DSCAM: variants seen among roughly 807,000 people sequenced by gnomAD.
The protein encoded by DSCAM is cell adhesion molecule DSCAM.
A neutral mutation model predicts 217.7 loss-of-function variants in DSCAM; 47 were observed. The ratio of observed to expected loss-of-function variants is 0.22; its 90% CI spans 0.17 to 0.28. The LOEUF (loss-of-function observed/expected upper bound fraction) is 0.28. Ranked by LOEUF, DSCAM falls within the 10% of genes least tolerant of loss-of-function variation. The pLI, the probability that DSCAM is intolerant of heterozygous loss-of-function variation, is 1.00. For synonymous variants in DSCAM, 1,056 were observed against 1,015.3 expected, an observed-to-expected ratio of 1.04 and a Z score of -0.76; for missense variants, 2,080 against 2,618.3, an observed-to-expected ratio of 0.79 and a Z score of 4.49.
At chr21:40,110,556 G>A (rs1440177834) in intron 20 of DSCAM, among the ~76,000 whole-genome samples, 1 of 152,216 alleles carries the variant, frequency 6.6e-6, no homozygotes, top group African/African-American at 2.4e-5. Context: ...ACAGAACAAA[G>A]CTGGATGGAA....
rs74447616 is a variant in DSCAM, at chr21:40,469,501, A to C, written c.509-100256T>G. On this transcript the variant is annotated intron_variant, in intron 3 of 32. Transcript: ENST00000400454. ...TCCCTGACAAAGTTGAACATGTGGAAAATCATTTTGTGCTTTGAAGTGTGG... is the reference window on the plus strand; with the variant it reads ...TCCCTGACAAAGTTGAACATGTGGACAATCATTTTGTGCTTTGAAGTGTGG... Among the ~76,000 whole-genome samples, 14 of 152,352 alleles carry C rather than the reference A, an allele frequency of 9.2e-5. No individual in the cohort carries two copies. In the East Asian group the frequency reaches 1.7e-3, roughly 19 times the overall value.
At chr21:40,474,663 A>C (rs568237822) in intron 3 of DSCAM, among the ~76,000 whole-genome samples, 1 of 152,276 alleles carries the variant, frequency 6.6e-6, no homozygotes, top group South Asian at 2.1e-4. Context: ...CATGTCAGCG[A>C]ATTACCTCAG....
At chr21:40,799,588 G>A (rs1321529857) in intron 1 of DSCAM, among the ~76,000 whole-genome samples, 2 of 152,122 alleles carry the variant, frequency 1.3e-5, no homozygotes, top group African/African-American at 4.8e-5. Flanking sequence ...GAAGGAACAT[G>A]GGGAATATCT....
chr21:40,605,277 C>T (rs2089217350), intron 3 of DSCAM, among the ~76,000 whole-genome samples: 2 of 152,014 alleles, frequency 1.3e-5, no homozygotes, highest in Admixed American at 6.6e-5. Flanking sequence ...GGCTCTCATT[C>T]TCTGTGTTGA....
At chr21:40,078,385 A>G (rs1259625017) in intron 26 of DSCAM, among the ~76,000 whole-genome samples, 1 of 152,206 alleles carries the variant, frequency 6.6e-6, no homozygotes, top group Non-Finnish European at 1.5e-5. Flanking sequence ...AGACATCAAC[A>G]CAAGCACAGA....
intron 14 of DSCAM, 114 bp from the exon 15 acceptor site, chr21:40,179,208 A>AC: frequency 1.0e-6 from 1 of 1,000,682 alleles, no homozygotes; most frequent in Non-Finnish European, 1.4e-6. Flanking sequence ...AAAAAAAAAA[A>AC]AGACGGAAAG....
At chr21:40,191,478 C>T (rs949541462) in intron 11 of DSCAM, among the ~76,000 whole-genome samples, 1 of 152,124 alleles carries the variant, frequency 6.6e-6, no homozygotes, top group African/African-American at 2.4e-5. Flanking sequence ...TCTGATCCCC[C>T]CCTTCCCCTA....
At chr21:40,295,991 T>C in intron 10 of DSCAM, 64 bp downstream of exon 10, 1 of 1,545,508 alleles carries the variant, frequency 6.5e-7, no homozygotes, top group Non-Finnish European at 8.7e-7. Flanking sequence ...TAGAAATGCT[T>C]ATCTAATCCT....
At chr21:40,207,191 C>T (rs991556350) in intron 11 of DSCAM, among the ~76,000 whole-genome samples, 3 of 151,926 alleles carry the variant, frequency 2.0e-5, no homozygotes, top group African/African-American at 7.3e-5. Context: ...TAAAAACAAT[C>T]CCAGAAAAAG....
At chr21:40,111,066 A>G (rs1407887819) in intron 20 of DSCAM, among the ~76,000 whole-genome samples, 1 of 152,152 alleles carries the variant, frequency 6.6e-6, no homozygotes, top group African/African-American at 2.4e-5. Flanking sequence ...TACAGAGAAC[A>G]CCATAAAGAT....
chr21:40,556,775 A>G (rs2076675394), intron 3 of DSCAM, among the ~76,000 whole-genome samples: 1 of 152,176 alleles, frequency 6.6e-6, no homozygotes, highest in African/African-American at 2.4e-5. Flanking sequence ...ATCCACCCCC[A>G]TGACGCAATA....
At chr21:40,045,752 T>C (rs1601264797) in intron 30 of DSCAM, among the ~76,000 whole-genome samples, 1 of 152,240 alleles carries the variant, frequency 6.6e-6, no homozygotes, top group South Asian at 2.1e-4. Context: ...CCCAGCAGAC[T>C]GTATTCACTG....
intron 16 of DSCAM, among the ~76,000 whole-genome samples, chr21:40,163,888 G>T (rs2090566609): frequency 6.6e-6 from 1 of 152,168 alleles, no homozygotes; most frequent in Non-Finnish European, 1.5e-5. Flanking sequence ...TGATAGCGGG[G>T]ATGCCATCTC....
intron 3 of DSCAM, among the ~76,000 whole-genome samples, chr21:40,531,585 C>T (rs1038916999): frequency 1.3e-5 from 2 of 152,234 alleles, no homozygotes; most frequent in Non-Finnish European, 2.9e-5. Flanking sequence ...GAAGGAAGAA[C>T]AGAGCAGATT....
At chr21:40,370,647 G>T (rs551034852) in intron 3 of DSCAM, among the ~76,000 whole-genome samples, 25 of 151,686 alleles carry the variant, frequency 1.6e-4, no homozygotes, top group Admixed American at 9.8e-4. Context: ...TTGAGATAAG[G>T]TCTGGCTGTA....
intron 8 of DSCAM, among the ~76,000 whole-genome samples, chr21:40,334,725 A>T (rs201040319): frequency 3.3e-4 from 42 of 127,654 alleles, no homozygotes; most frequent in African/African-American, 1.2e-3. Flanking sequence ...CACCACAACC[A>T]CAACCTCAAA....
intron 1 of DSCAM, among the ~76,000 whole-genome samples, chr21:40,782,428 G>A: frequency 6.6e-6 from 1 of 152,024 alleles, no homozygotes; most frequent in East Asian, 1.9e-4. Flanking sequence ...TGGCTTGTGA[G>A]TTTTAAAATT....
At chr21:40,029,252 T>C (rs1182865650) in intron 32 of DSCAM, among the ~76,000 whole-genome samples, 2 of 152,142 alleles carry the variant, frequency 1.3e-5, no homozygotes, top group Non-Finnish European at 2.9e-5. Flanking sequence ...AGAGAAGCCA[T>C]TACATGAAGC....
chr21:40,664,497 G>A (rs4818154), intron 3 of DSCAM, among the ~76,000 whole-genome samples: 121,097 of 151,824 alleles, frequency 0.8, 50,039 homozygotes, highest in East Asian at 0.98. Context: ...CAGCACCCCA[G>A]GGAAAGTGAT....
Sources: allele counts gnomAD v4.1 joint callset (sites outside exome capture counted in the v4.1 genomes callset), GRCh38; gene constraint gnomAD v4.1.1; transcripts MANE v1.5; gene names NCBI Gene and HGNC (gene_info 2026-07-23, HGNC 2026-07-21).